PAIP1: variants seen among roughly 807,000 people sequenced by gnomAD.
The protein encoded by PAIP1 is polyadenylate-binding protein-interacting protein 1.
PAIP1 carries 16 observed loss-of-function variants against 61.3 expected under a neutral mutation model. The observed-to-expected ratio is 0.26, with a 90% CI of 0.18 to 0.40. PAIP1 has a LOEUF of 0.40. Ranked by LOEUF, PAIP1 falls within the 10% of genes least tolerant of loss-of-function variation. PAIP1 has a pLI of 1.00. For missense variants in PAIP1, 416 were observed against 600.9 expected, an observed-to-expected ratio of 0.69 and a Z score of 3.22; for synonymous variants, 187 against 226.2, an observed-to-expected ratio of 0.83 and a Z score of 1.56.
chr5:43,557,208 C>G (rs1343232664), upstream of PAIP1: 1 of 182,332 alleles, frequency 5.5e-6, no homozygotes, highest in Non-Finnish European at 1.1e-5. Flanking sequence ...GGCCGGCCGC[C>G]GGGCCCAGCA....
At position 43,547,929 on chromosome 5, in the gene PAIP1, GA is replaced by G; in HGVS notation, c.436-17del. 6.4e-7 allele frequency: 1 copy of G among 1,563,166 alleles called. No homozygotes were observed. Among genetic ancestry groups the G allele is most frequent in the Non-Finnish European group, 8.7e-7 (1 of 1,146,252 alleles). The stretch of plus-strand genomic sequence containing the variant: ...CATAGGATTCCTACGGATCAAAAAT[GA>G]AAAAACAATTTTAATCTATGCAACT... On this transcript the variant is annotated splice_polypyrimidine_tract_variant and intron_variant, in intron 2 of 10. Coordinates refer to ENST00000306846, the MANE Select transcript of PAIP1 (RefSeq NM_006451.5).
intron 2 of PAIP1, among the ~76,000 whole-genome samples, chr5:43,552,700 C>CA (rs1166264530): frequency 1.3e-5 from 2 of 151,968 alleles, no homozygotes; most frequent in Non-Finnish European, 2.9e-5. Flanking sequence ...AGATTATACT[C>CA]AGAGAGAAAA....
chr5:43,539,614 C>T (rs897950139), intron 4 of PAIP1, among the ~76,000 whole-genome samples: 13 of 152,004 alleles, frequency 8.6e-5, no homozygotes, highest in African/African-American at 2.2e-4. Context: ...TAGAAAGCAC[C>T]GGACTTGTTT....
At chr5:43,530,782 G>GA (rs1276965147) in intron 9 of PAIP1, among the ~76,000 whole-genome samples, 5 of 152,124 alleles carry the variant, frequency 3.3e-5, no homozygotes, top group Non-Finnish European at 7.4e-5. Context: ...GGTCACAAAT[G>GA]AAGAAGGAAC....
At chr5:43,542,077 G>A (rs1747436934) in intron 4 of PAIP1, among the ~76,000 whole-genome samples, 1 of 151,670 alleles carries the variant, frequency 6.6e-6, no homozygotes, top group Non-Finnish European at 1.5e-5. Context: ...TGGGGAGGCT[G>A]AGGCACGAGA....
At chr5:43,549,234 C>T (rs1039485462) in intron 2 of PAIP1, among the ~76,000 whole-genome samples, 3 of 152,180 alleles carry the variant, frequency 2.0e-5, no homozygotes, top group African/African-American at 4.8e-5. Flanking sequence ...GCGCCTGGCC[C>T]AGGACACAGT....
chr5:43,539,105 TTG>T (rs1747286146), intron 4 of PAIP1, 70 bp from the exon 5 acceptor site: 5 of 1,018,542 alleles, frequency 4.9e-6, no homozygotes. Flanking sequence ...AAATAACCAT[TTG>T]TCAGTTTGGT....
rs150237489 is a variant in PAIP1 at position 43,543,051 on chromosome 5, C to T, written c.687G>A (p.Leu229=). The stretch of plus-strand genomic sequence containing the variant: ...AGTTGCCACTCTGTGGGCTAATTGT[C>T]AGATGATGGGACAGGTAATTACACA... ...ARLCNYLSHH[L]TISPQSGNFR... Residue 229 remains leucine (L), a synonymous_variant, in exon 4 of 11, where the codon CTG becomes CTA. Coordinates refer to ENST00000306846, the MANE Select transcript of PAIP1 (RefSeq NM_006451.5). 683 of 1,610,076 alleles carry T rather than the reference C, an allele frequency of 4.2e-4. No individual in the cohort carries two copies. The highest frequency in any genetic ancestry group is 5.5e-4 in the Non-Finnish European group (644 of 1,176,750).
At position 43,556,606 on chromosome 5, in the gene PAIP1, G is replaced by A; in HGVS notation, c.241C>T (p.Pro81Ser). 4.8e-6 allele frequency: 6 copies of A among 1,254,382 alleles called. No individual in the cohort carries two copies. Among genetic ancestry groups the A allele is most frequent in the Non-Finnish European group, 5.0e-6 (5 of 996,000 alleles). The allele number at this position is 1,254,382 out of a possible 1,614,324, so 77.7% of individuals were successfully genotyped here. Reference sequence around the variant, plus strand: ...CCTGGGAGCGCCCCGGGCCGGGAAGGCCGCTGGGGGCTGGCGGGGACCTCG... The same window carrying A: ...CCTGGGAGCGCCCCGGGCCGGGAAGACCGCTGGGGGCTGGCGGGGACCTCG... The part of the protein sequence containing the change: ...QCEVPASPQR[P>S]SRPGALPEQT... The change falls in exon 1 of 11, where the codon CCT becomes TCT. Residue 81 changes from proline (P) to serine (S), a missense_variant. Pro to Ser is a moderately conservative substitution (Grantham distance 74). Around this residue, in one of 4 missense-constraint regions of PAIP1, gnomAD observed 180 missense variants for 211.2 expected, o/e 0.85. Coordinates refer to ENST00000306846, the MANE Select transcript of PAIP1 (RefSeq NM_006451.5).
At chr5:43,543,613 G>A (rs1291817112) in intron 3 of PAIP1, among the ~76,000 whole-genome samples, 1 of 151,812 alleles carries the variant, frequency 6.6e-6, no homozygotes, top group Non-Finnish European at 1.5e-5. Context: ...GGTGATTAAT[G>A]GTAACTGGCA....
chr5:43,554,883 C>T (rs572749705), intron 2 of PAIP1, among the ~76,000 whole-genome samples: 35 of 152,274 alleles, frequency 2.3e-4, no homozygotes, highest in Non-Finnish European at 3.2e-4. Context: ...GTGCCCTATT[C>T]ATAATAACCC....
chr5:43,556,039 T>G lies in PAIP1; in HGVS notation c.266-40A>C, dbSNP rs774436627. 6 of 1,596,664 alleles carry G rather than the reference T, an allele frequency of 3.8e-6. No homozygotes were observed. In the South Asian group the frequency reaches 6.8e-5, roughly 18 times the overall value. ...AAAACGGGGCGTCAGATGCATTCTT[T>G]CCTTTGTACAGCAACTTGCTATATA... On this transcript the variant is annotated intron_variant, in intron 1 of 10. Coordinates refer to ENST00000306846, the MANE Select transcript of PAIP1 (RefSeq NM_006451.5).
chr5:43,532,023 CTG>C (rs559858553), intron 9 of PAIP1, among the ~76,000 whole-genome samples: 6 of 152,154 alleles, frequency 3.9e-5, no homozygotes, highest in South Asian at 2.1e-4. Flanking sequence ...TTCTGTAAAA[CTG>C]TAAGATTTCT....
chr5:43,536,797 T>TA, intron 6 of PAIP1, 22 bp downstream of exon 6: 2 of 1,286,184 alleles, frequency 1.6e-6, no homozygotes, highest in Non-Finnish European at 1.1e-6. Context: ...GTAAATTAGT[T>TA]AAATTAAAAA....
intron 3 of PAIP1, among the ~76,000 whole-genome samples, chr5:43,544,571 A>G (rs1377595966): frequency 6.6e-6 from 1 of 152,144 alleles, no homozygotes; most frequent in Non-Finnish European, 1.5e-5. Flanking sequence ...TAATCCCCAT[A>G]TCTCCGCACT....
Position 43,555,902 on chromosome 5 carries a change from A to T in PAIP1, c.363T>A (p.Ala121=), listed in dbSNP as rs777688582. The T allele has an allele frequency of 3.1e-6, 5 of 1,613,682 alleles. No homozygotes were observed. The African/African-American group carries it at 4.0e-5, about 13-fold the overall frequency. The stretch of plus-strand genomic sequence containing the variant: ...CAGACAGCTTAGACATTAATACAGG[A>T]GCTACAACCACCTGGGGCTTAGCCA... ...SAMAKPQVVV[A]PVLMSKLSVN... is the part of the protein sequence containing the mutation. Residue 121 remains alanine (A), a synonymous_variant, in exon 2 of 11, where the codon GCT becomes GCA. Transcript: ENST00000306846.
rs369401574 is a variant in PAIP1, at chr5:43,529,129, G to A, written c.1346+657C>T. Among the ~76,000 whole-genome samples the A allele has an allele frequency of 7.5e-3, 1,059 of 141,988 alleles. 1 individual carries two copies. Among genetic ancestry groups the A allele is most frequent in the African/African-American group, 0.012 (460 of 38,766 alleles). 93.1% of individuals were successfully genotyped at this position (141,988 alleles called of 152,430 possible). A position where few individuals can be genotyped will look rare whatever the true frequency, so the allele number is the denominator to read the frequency against. On this transcript the variant is annotated intron_variant, in intron 10 of 10. Coordinates refer to ENST00000306846, the MANE Select transcript of PAIP1 (RefSeq NM_006451.5). Reference sequence around the variant, plus strand: ...TTATGTATTCTCATGTAGTTCTCAAGAAAAAAAAAAAAAAGACTCAACAGG... The same window carrying A: ...TTATGTATTCTCATGTAGTTCTCAAAAAAAAAAAAAAAAAGACTCAACAGG...
At position 43,526,787 on chromosome 5, in the gene PAIP1, T is replaced by A. The variant is rs1020544384; in HGVS notation, c.*589A>T. 1 of 152,104 alleles carries A rather than the reference T, an allele frequency of 6.6e-6. No homozygotes were observed. Among genetic ancestry groups the A allele is most frequent in the East Asian group, 1.9e-4 (1 of 5,198 alleles). The allele number at this position is 152,104 out of a possible 1,614,324, so 9.4% of individuals were successfully genotyped here. On this transcript the variant is annotated 3_prime_UTR_variant, in exon 11 of 11. Coordinates refer to ENST00000306846, the MANE Select transcript of PAIP1 (RefSeq NM_006451.5). The stretch of plus-strand genomic sequence containing the variant: ...TTCAGTGAAGTCTTGGTTGTTTAGC[T>A]GGGAGTTCACCAAGTTGGGTTTTTC...
chr5:43,530,304 T>G (rs1334981412), intron 9 of PAIP1, among the ~76,000 whole-genome samples: 1 of 152,208 alleles, frequency 6.6e-6, no homozygotes, highest in Admixed American at 6.5e-5. Context: ...TTCCTTCCCT[T>G]TCTTCCCAGA....
Sources: allele counts gnomAD v4.1 joint callset (sites outside exome capture counted in the v4.1 genomes callset), GRCh38; gene constraint gnomAD v4.1.1; regional missense constraint gnomAD v4.1.1; transcripts MANE v1.5; gene names NCBI Gene and HGNC (gene_info 2026-07-23, HGNC 2026-07-21).